ZNF189: variants seen among roughly 807,000 people sequenced by gnomAD.
ZNF189 encodes the protein zinc finger protein 189.
In ZNF189, 33 loss-of-function variants were observed where a neutral mutation model predicts 53.5. The ratio of observed to expected loss-of-function variants is 0.62; its 90% CI spans 0.47 to 0.82. The LOEUF (loss-of-function observed/expected upper bound fraction) is 0.82, where lower values mean the gene tolerates loss of function less well. Among genes scored for constraint, ZNF189 ranks in the 40% least tolerant of loss-of-function variants. ZNF189 has a pLI of 0.00. For missense variants in ZNF189, 711 were observed against 753.9 expected, an observed-to-expected ratio of 0.94 and a Z score of 0.67; for synonymous variants, 247 against 238.8, an observed-to-expected ratio of 1.03 and a Z score of -0.32.
In ZNF189 at chr9:101,409,027, G is replaced by T. The variant is rs1182467182; in HGVS notation, c.1259G>T (p.Arg420Ile). 2 of 1,614,116 alleles carry T rather than the reference G, an allele frequency of 1.2e-6. No homozygotes were observed. Among genetic ancestry groups the T allele is most frequent in the South Asian group, 2.2e-5 (2 of 91,074 alleles). The change falls in exon 3 of 3, where the codon AGA becomes ATA. Residue 420 changes from arginine (R) to isoleucine (I), a missense_variant. Arg to Ile is a moderately conservative substitution (Grantham distance 97). Transcript: ENST00000339664. ...AGCTCAGGTCTTATTCAGCATCAGA[G>T]AATTCACACCAGGGAGAAGACTTAT... ...SRSSGLIQHQ[R>I]IHTREKTYPY... is the part of the protein sequence containing the mutation.
rs934066709 is a variant in ZNF189, at chr9:101,409,837, A to G, written c.*188A>G. 3 of 597,262 alleles carry G rather than the reference A, an allele frequency of 5.0e-6. No homozygotes were observed. The Admixed American group carries it at 1.1e-4, about 21-fold the overall frequency. 37.0% of individuals were successfully genotyped at this position (597,262 alleles called of 1,614,324 possible). ...ATTTGACTTCCCTTACTCTTTGATG[A>G]TCGTAGAGAAAGACTTGGTAATTTA... On this transcript the variant is annotated 3_prime_UTR_variant, in exon 3 of 3. Transcript: ENST00000339664.
chr9:101,401,482 C>T (rs1287857053), intron 2 of ZNF189, among the ~76,000 whole-genome samples: 1 of 152,078 alleles, frequency 6.6e-6, no homozygotes, highest in East Asian at 1.9e-4. Context: ...CCTTGGTACC[C>T]TTATTCTGAT....
intron 2 of ZNF189, among the ~76,000 whole-genome samples, chr9:101,401,807 A>G (rs1322230342): frequency 7.2e-5 from 11 of 152,032 alleles, no homozygotes; most frequent in African/African-American, 2.7e-4. Flanking sequence ...GAAACTCTTT[A>G]TTGTTTCCCT....
At chr9:101,407,491 TC>T in intron 2 of ZNF189, 1 of 399,942 alleles carries the variant, frequency 2.5e-6, no homozygotes. Context: ...GCTTAAGTGA[TC>T]AATCCTCCCA....
At chr9:101,405,189 A>C (rs2118227637) in intron 2 of ZNF189, among the ~76,000 whole-genome samples, 1 of 152,336 alleles carries the variant, frequency 6.6e-6, no homozygotes, top group East Asian at 1.9e-4. Flanking sequence ...TTCGATCTTA[A>C]AGGTGATGGG....
chr9:101,410,237 C>T lies in ZNF189; in HGVS notation c.*588C>T, dbSNP rs1055079397. 4.6e-5 allele frequency: 7 copies of T among 152,636 alleles called. No homozygotes were observed. Among genetic ancestry groups the T allele is most frequent in the Non-Finnish European group, 4.4e-5 (3 of 68,056 alleles). The allele number at this position is 152,636 out of a possible 1,614,324, so 9.5% of individuals were successfully genotyped here. On this transcript the variant is annotated 3_prime_UTR_variant, in exon 3 of 3. Transcript: ENST00000339664. ...TCTATGAAATGAGTGGACCATTAAC[C>T]TTACATGTAAAGATTATGTTAGTAA...
At position 101,408,109 on chromosome 9, in the gene ZNF189, TC is replaced by T; in HGVS notation, c.343del (p.Leu115TyrfsTer9). 1 of 1,613,992 alleles carries T rather than the reference TC, an allele frequency of 6.2e-7. No homozygotes were observed. ...VGRLDKQRGI[F>X]LWEIPRESLT... ...AGGTTAGATAAACAAAGAGGGATCTTCCTATGGGAAATACCAAGGGAATCTT... is the reference window on the plus strand; with the variant it reads ...AGGTTAGATAAACAAAGAGGGATCTTCTATGGGAAATACCAAGGGAATCTT... On this transcript the variant is annotated frameshift_variant, in exon 3 of 3. Transcript: ENST00000339664. LOFTEE classifies it high-confidence loss of function.
chr9:101,407,886 A>G, intron 2 of ZNF189, 43 bp from the exon 3 acceptor site: 3 of 1,467,980 alleles, frequency 2.0e-6, no homozygotes, highest in Non-Finnish European at 2.7e-6. Context: ...TCCTTGCTTC[A>G]AAGACCTTGG....
rs1830757662 is a variant in ZNF189 at position 101,407,499 on chromosome 9, C to T, written c.161-430C>T. 1.5e-5 allele frequency: 6 copies of T among 400,110 alleles called. No homozygotes were observed. The Admixed American group carries it at 1.8e-4, about 12-fold the overall frequency. The allele number at this position is 400,110 out of a possible 1,614,324, so 24.8% of individuals were successfully genotyped here. ...CTGTTGGGCTTAAGTGATCAATCCT[C>T]CCACCTCAGCTACCTGAGTAGCTGG... On this transcript the variant is annotated intron_variant, in intron 2 of 2. Coordinates refer to ENST00000339664, the MANE Select transcript of ZNF189 (RefSeq NM_003452.4).
rs1564072198 is a variant in ZNF189 at position 101,409,216 on chromosome 9, CCTAT to C, written c.1453_1456del (p.Leu485ValfsTer108). On this transcript the variant is annotated frameshift_variant, in exon 3 of 3. Coordinates refer to ENST00000339664, the MANE Select transcript of ZNF189 (RefSeq NM_003452.4). LOFTEE classifies it high-confidence loss of function. ...CAAAGAATCCACACTGGTGAAAAGC[CCTAT>C]CTATGTACTGTCTGTGGGAAAAGCT... 1 of 1,613,440 alleles carries C rather than the reference CCTAT, an allele frequency of 6.2e-7. No individual in the cohort carries two copies. The highest frequency in any genetic ancestry group is 2.2e-5 in the East Asian group (1 of 44,864).
chr9:101,403,380 A>C (rs4535787), intron 2 of ZNF189, among the ~76,000 whole-genome samples: 77,742 of 151,802 alleles, frequency 0.51, 20,156 homozygotes, highest in South Asian at 0.67. Context: ...CTCAATAAAC[A>C]CTATCTCCAT....
At position 101,399,891 on chromosome 9, in the gene ZNF189, T is replaced by C; in HGVS notation, c.41T>C (p.Leu14Pro). The part of the protein sequence containing the change: ...PSPPPESKGL[L>P]TFEDVAVFFT... ...GAAATCATACTATTTCAGGGGTTGC[T>C]GACATTTGAGGATGTGGCTGTGTTT... The change falls in exon 2 of 3, where the codon CTG (leucine) becomes CCG (proline). Residue 14 changes from leucine to proline, a missense_variant. Leu to Pro is a moderately conservative substitution (Grantham distance 98). Transcript: ENST00000339664. 6 of 1,614,140 alleles carry C rather than the reference T, an allele frequency of 3.7e-6. No homozygotes were observed. The highest frequency in any genetic ancestry group is 4.2e-6 in the Non-Finnish European group (5 of 1,180,014).
intron 2 of ZNF189, among the ~76,000 whole-genome samples, chr9:101,402,851 C>A (rs1226511103): frequency 2.0e-5 from 3 of 152,138 alleles, no homozygotes; most frequent in Non-Finnish European, 4.4e-5. Context: ...TGGATTATTA[C>A]ATTAACCCCT....
intron 1 of ZNF189, 43 bp downstream of exon 1, chr9:101,399,232 A>G (rs775991581): frequency 3.9e-6 from 6 of 1,541,194 alleles, no homozygotes; most frequent in Non-Finnish European, 5.3e-6. Flanking sequence ...TCTCGCCGCT[A>G]CCCCAGCTAG....
intron 1 of ZNF189, 143 bp downstream of exon 1, chr9:101,399,332 G>A: frequency 7.2e-7 from 1 of 1,394,328 alleles, no homozygotes; most frequent in Non-Finnish European, 9.3e-7. Flanking sequence ...CCCCACTAGT[G>A]CATTGGGGTG....
At chr9:101,405,102 A>G (rs574295539) in intron 2 of ZNF189, among the ~76,000 whole-genome samples, 2 of 152,232 alleles carry the variant, frequency 1.3e-5, no homozygotes, top group East Asian at 3.8e-4. Flanking sequence ...TACATAAAGT[A>G]TGATAAAGTA....
In ZNF189 at chr9:101,409,522, A is replaced by G. The variant is rs143854569; in HGVS notation, c.1754A>G (p.Asn585Ser). The change falls in exon 3 of 3, where the codon AAC (asparagine) becomes AGC (serine). Residue 585 changes from asparagine to serine, a missense_variant. Transcript: ENST00000339664. ...TTCAGTCAACAGCGCAGTCTTGTCA[A>G]CCATCAGAAGATCCATGCAGAGGTG... is the stretch of plus-strand genomic sequence containing the variant. ...KSFSQQRSLV[N>S]HQKIHAEVKT... The G allele has an allele frequency of 5.1e-4, 824 of 1,614,012 alleles. 4 individuals are homozygous for G. Among genetic ancestry groups the G allele is most frequent in the Admixed American group, 8.3e-4 (50 of 59,990 alleles).
chr9:101,403,660 C>G (rs1470922337), intron 2 of ZNF189, among the ~76,000 whole-genome samples: 1 of 152,208 alleles, frequency 6.6e-6, no homozygotes, highest in African/African-American at 2.4e-5. Context: ...CAGATTGCCA[C>G]CTTATTACTG....
Position 101,408,159 on chromosome 9 carries a change from A to G in ZNF189, c.391A>G (p.Arg131Gly). 6.2e-7 allele frequency: 1 copy of G among 1,614,146 alleles called. No individual in the cohort carries two copies. The highest frequency in any genetic ancestry group is 1.3e-5 in the African/African-American group (1 of 75,058). Residue 131 changes from arginine to glycine, a missense_variant, in exon 3 of 3, where the codon AGA (arginine) becomes GGA (glycine). Arg to Gly is a moderately radical substitution (Grantham distance 125). Coordinates refer to ENST00000339664, the MANE Select transcript of ZNF189 (RefSeq NM_003452.4). ...TTTGACCCAGGAACAGAGAATGTTC[A>G]GAGAAAACACTAACATTATCCGTAA... ...ESLTQEQRMFRENTNIIRKRP... is the reference protein window; with the variant it reads ...ESLTQEQRMFGENTNIIRKRP...
Sources: gnomAD v4.1 joint callset for allele counts (sites outside exome capture counted in the v4.1 genomes callset) on GRCh38, gnomAD v4.1.1 for gene constraint, MANE v1.5 for transcripts, NCBI Gene and HGNC (gene_info 2026-07-23, HGNC 2026-07-21) for gene names.